SLC28A3: variants seen among roughly 807,000 people sequenced by gnomAD.
SLC28A3 encodes concentrative Na(+)-nucleoside cotransporter 3.
SLC28A3 carries 68 observed loss-of-function variants against 84.2 expected under a neutral mutation model. That is an observed-to-expected ratio of 0.81 (90% CI 0.66 to 0.99). The LOEUF is 0.99. Among genes scored for constraint, SLC28A3 ranks in the 50% least tolerant of loss-of-function variants. The probability of loss-of-function intolerance (pLI) is 0.00; values close to 1 mark genes in which losing one functional copy is unlikely to be tolerated. For synonymous variants in SLC28A3, 267 were observed against 303.6 expected (o/e 0.88, Z 1.25); for missense variants, 712 against 841.5 (o/e 0.85, Z 1.90).
the SLC28A3 span, among the ~76,000 whole-genome samples, chr9:84,358,336 ATACAGCAT>A: frequency 2.6e-5 from 4 of 152,152 alleles, no homozygotes; most frequent in Non-Finnish European, 5.9e-5. Context: ...CATGCAGTTT[ATACAGCAT>A]TTTCACTTAA....
chr9:84,327,309 G>T (rs1826599955), intron 1 of SLC28A3, among the ~76,000 whole-genome samples: 1 of 150,004 alleles, frequency 6.7e-6, no homozygotes, highest in South Asian at 2.1e-4. Context: ...AAATGTGGCT[G>T]GTACCATTCA....
At chr9:84,279,445 A>G in intron 16 of SLC28A3, 60 bp from the exon 17 acceptor site, 2 of 1,196,718 alleles carry the variant, frequency 1.7e-6, no homozygotes, top group Admixed American at 7.5e-5. Flanking sequence ...ATGTATTTAT[A>G]TATTTATTTA....
In SLC28A3 at chr9:84,279,268, C is replaced by T. The variant is rs1461115394; in HGVS notation, c.1946G>A (p.Ser649Asn). Reference sequence around the variant, plus strand: ...ATTATAATCAAGAATACAATACCTGCTCAACAGACTTTGGCAACAAGCTAT... The same window carrying T: ...ATTATAATCAAGAATACAATACCTGTTCAACAGACTTTGGCAACAAGCTAT... ...KVIACCQSLL[S>N]STVAKGPGEV... The change falls in exon 17 of 18, where the codon AGC becomes AAC. Residue 649 changes from serine (S) to asparagine (N), a missense_variant. By Grantham distance (46) the Ser-to-Asn change is conservative. Transcript: ENST00000376238. 1.2e-6 allele frequency: 2 copies of T among 1,608,926 alleles called. No individual in the cohort carries two copies. Among genetic ancestry groups the T allele is most frequent in the East Asian group, 2.2e-5 (1 of 44,778 alleles).
Position 84,302,286 on chromosome 9 carries a change from G to T in SLC28A3, c.438C>A (p.His146Gln). 6.2e-7 allele frequency: 1 copy of T among 1,614,160 alleles called. No individual in the cohort carries two copies. Among genetic ancestry groups the T allele is most frequent in the Non-Finnish European group, 8.5e-7 (1 of 1,180,014 alleles). The change falls in exon 5 of 18, where the codon CAC (histidine) becomes CAA (glutamine). Residue 146 changes from histidine to glutamine, a missense_variant. By Grantham distance (24) the His-to-Gln change is conservative. Transcript: ENST00000376238. ...TTCGATGTTCGTATTTGGCCATCAG[G>T]TGATCCCAGACAACAAAGAAGATGG... ...VAAIFFVVWD[H>Q]LMAKYEHRID...
chr9:84,291,770 A>G (rs1431744733), intron 10 of SLC28A3, among the ~76,000 whole-genome samples: 1 of 152,092 alleles, frequency 6.6e-6, no homozygotes. Flanking sequence ...TTTTGCTTCA[A>G]ATTCAGTTTC....
intron 2 of SLC28A3, among the ~76,000 whole-genome samples, chr9:84,310,855 G>A (rs1282230795): frequency 6.6e-6 from 1 of 152,194 alleles, no homozygotes; most frequent in East Asian, 1.9e-4. Context: ...AATAGTCAAT[G>A]TTTGGTAAAT....
intron 1 of SLC28A3, among the ~76,000 whole-genome samples, chr9:84,339,786 TGGGTG>T (rs1424511437): frequency 1.3e-5 from 2 of 152,148 alleles, no homozygotes; most frequent in African/African-American, 4.8e-5. Flanking sequence ...CAGGAATTTG[TGGGTG>T]CTGGAGTCTG....
chr9:84,352,094 T>A, the SLC28A3 span, among the ~76,000 whole-genome samples: 44 of 152,330 alleles, frequency 2.9e-4, no homozygotes, highest in East Asian at 2.1e-3. Context: ...AGCATTTTTT[T>A]AATAAGTTAT....
At chr9:84,332,328 C>T (rs551156786) in intron 1 of SLC28A3, among the ~76,000 whole-genome samples, 1 of 152,090 alleles carries the variant, frequency 6.6e-6, no homozygotes, top group Non-Finnish European at 1.5e-5. Flanking sequence ...CAAGAAATCA[C>T]TATATAATGT....
At chr9:84,307,999 C>T (rs1825860538) in intron 3 of SLC28A3, among the ~76,000 whole-genome samples, 1 of 152,136 alleles carries the variant, frequency 6.6e-6, no homozygotes, top group Non-Finnish European at 1.5e-5. Flanking sequence ...AAGGATAAAA[C>T]TTTGCTATGT....
intron 1 of SLC28A3, among the ~76,000 whole-genome samples, chr9:84,316,986 G>A (rs1314903699): frequency 6.9e-6 from 1 of 144,448 alleles, no homozygotes; most frequent in South Asian, 2.1e-4. Context: ...GGGCGACAGA[G>A]CAAGACTCCG....
At chr9:84,368,518 G>T in the SLC28A3 span, among the ~76,000 whole-genome samples, 1 of 152,036 alleles carries the variant, frequency 6.6e-6, no homozygotes, top group African/African-American at 2.4e-5. Flanking sequence ...AATGCTGGCC[G>T]GACTGGGTCC....
At chr9:84,312,973 A>G (rs953714782) in intron 2 of SLC28A3, among the ~76,000 whole-genome samples, 3 of 152,210 alleles carry the variant, frequency 2.0e-5, no homozygotes, top group African/African-American at 7.2e-5. Flanking sequence ...TCGGACTGGT[A>G]TAAAGCTACT....
At position 84,298,002 on chromosome 9, in the gene SLC28A3, G is replaced by A. The variant is rs745617036; in HGVS notation, c.687C>T (p.Val229=). ...GAAACTGTAGCCCGATTCCCCATAAGACAGGTCTCCAGTAAACCTATACAG... is the reference window on the plus strand; with the variant it reads ...GAAACTGTAGCCCGATTCCCCATAAAACAGGTCTCCAGTAAACCTATACAG... ...KYPTRVYWRP[V]LWGIGLQFLL... The change falls in exon 7 of 18, where the codon GTC becomes GTT. Residue 229 remains valine, a synonymous_variant. Transcript: ENST00000376238. 1.8e-5 allele frequency: 29 copies of A among 1,611,812 alleles called. No homozygotes were observed. The highest frequency in any genetic ancestry group is 2.7e-5 in the African/African-American group (2 of 74,730).
Position 84,278,407 on chromosome 9 carries a change from G to A in SLC28A3, c.1950-63C>T, listed in dbSNP as rs1045176112. On this transcript the variant is annotated intron_variant, in intron 17 of 17. Coordinates refer to ENST00000376238, the MANE Select transcript of SLC28A3 (RefSeq NM_001199633.2). The stretch of plus-strand genomic sequence containing the variant: ...AGATGGCAGAAACAGTAGGTGAGCA[G>A]ACAATGACATTAAAAATAGTTCAGG... 3 of 1,596,488 alleles carry A rather than the reference G, an allele frequency of 1.9e-6. No homozygotes were observed. The African/African-American group carries it at 4.0e-5, about 21-fold the overall frequency.
At chr9:84,314,804 T>C (rs745655337) in intron 1 of SLC28A3, among the ~76,000 whole-genome samples, 25 of 152,168 alleles carry the variant, frequency 1.6e-4, no homozygotes, top group African/African-American at 6.0e-4. Context: ...ATGGGCTGGG[T>C]GTGGTGGCTG....
At chr9:84,335,707 A>T (rs1183490040) in intron 1 of SLC28A3, among the ~76,000 whole-genome samples, 2 of 128,626 alleles carry the variant, frequency 1.6e-5, no homozygotes, top group Non-Finnish European at 3.3e-5. Flanking sequence ...ACAAGTATGT[A>T]TATACGTGTG....
chr9:84,364,890 A>T, the SLC28A3 span, among the ~76,000 whole-genome samples: 1 of 152,204 alleles, frequency 6.6e-6, no homozygotes, highest in African/African-American at 2.4e-5. Flanking sequence ...CATTGTGTAT[A>T]TGAACCACAT....
intron 2 of SLC28A3, among the ~76,000 whole-genome samples, chr9:84,312,098 G>T (rs544352169): frequency 6.6e-6 from 1 of 152,164 alleles, no homozygotes; most frequent in African/African-American, 2.4e-5. Context: ...ATGTCTGAAT[G>T]TACCACAGTT....
Sources: gnomAD v4.1 joint callset for allele counts (sites outside exome capture counted in the v4.1 genomes callset) on GRCh38, gnomAD v4.1.1 for gene constraint, MANE v1.5 for transcripts, NCBI Gene and HGNC (gene_info 2026-07-23, HGNC 2026-07-21) for gene names.